NRIP2: variants seen among roughly 807,000 people sequenced by gnomAD.
NRIP2 encodes the protein nuclear receptor-interacting protein 2.
NRIP2 carries 27 observed loss-of-function variants against 34.1 expected under a neutral mutation model. That is an observed-to-expected ratio of 0.79 (90% CI 0.58 to 1.09). The LOEUF (loss-of-function observed/expected upper bound fraction) is 1.09, where lower values mean the gene tolerates loss of function less well. Among genes scored for constraint, NRIP2 ranks in the 50% least tolerant of loss-of-function variants. The pLI is 0.00. For synonymous variants in NRIP2, 145 were observed against 146.9 expected (o/e 0.99, Z 0.09); for missense variants, 385 against 352.6 (o/e 1.09, Z -0.74).
In NRIP2 at chr12:2,827,740, C is replaced by T; in HGVS notation, c.701-63G>A. The T allele has an allele frequency of 3.1e-6, 5 of 1,612,180 alleles. No homozygotes were observed. Among genetic ancestry groups the T allele is most frequent in the South Asian group, 1.1e-5 (1 of 90,932 alleles). ...TCCCAGTGGTCACTGCTGCCCTCCT[C>T]TTAGCCGTTGCTCCTTCTCTGCCCA... On this transcript the variant is annotated intron_variant, in intron 4 of 5. Coordinates refer to ENST00000337508, the MANE Select transcript of NRIP2 (RefSeq NM_031474.3). The surrounding 1 kb of genome is among the most constrained non-coding windows in gnomAD (Gnocchi z 4.0).
rs1222199646 is a variant in NRIP2, at chr12:2,826,256, G to T, written c.*951C>A. 1 of 152,098 alleles carries T rather than the reference G, an allele frequency of 6.6e-6. No individual in the cohort carries two copies. The highest frequency in any genetic ancestry group is 2.4e-5 in the African/African-American group (1 of 41,398). The allele number at this position is 152,098 out of a possible 1,614,324, so 9.4% of individuals were successfully genotyped here. A position where few individuals can be genotyped will look rare whatever the true frequency, so the allele number is the denominator to read the frequency against. On this transcript the variant is annotated 3_prime_UTR_variant, in exon 6 of 6. Coordinates refer to ENST00000337508, the MANE Select transcript of NRIP2 (RefSeq NM_031474.3). ...TTTGCTTTGGCAAAGCCTGGCAGGG[G>T]GTTAGAAAGCCACTGATTCCAGGAC...
chr12:2,826,821 AAGT>A lies in NRIP2; in HGVS notation c.*383_*385del. The A allele has an allele frequency of 7.3e-6, 2 of 272,834 alleles. No individual in the cohort carries two copies. Among genetic ancestry groups the A allele is most frequent in the Non-Finnish European group, 1.3e-5 (2 of 151,208 alleles). 16.9% of individuals were successfully genotyped at this position (272,834 alleles called of 1,614,324 possible). A position where few individuals can be genotyped will look rare whatever the true frequency, so the allele number is the denominator to read the frequency against. ...GTGGTGAGAGACATGGTGGTGTGGGAAGTTGAGTTGTGTTTGGGGTGGTATTGG... is the reference window on the plus strand; with the variant it reads ...GTGGTGAGAGACATGGTGGTGTGGGATGAGTTGTGTTTGGGGTGGTATTGG... On this transcript the variant is annotated 3_prime_UTR_variant, in exon 6 of 6. Coordinates refer to ENST00000337508, the MANE Select transcript of NRIP2 (RefSeq NM_031474.3).
Position 2,834,787 on chromosome 12 carries a change from G to A in NRIP2, c.197C>T (p.Thr66Met), listed in dbSNP as rs537635068. The change falls in exon 1 of 6, where the codon ACG becomes ATG. Residue 66 changes from threonine (T) to methionine (M), a missense_variant. Physicochemically the swap from Thr to Met is moderately conservative, Grantham distance 81 (BLOSUM62 -1). Coordinates refer to ENST00000337508, the MANE Select transcript of NRIP2 (RefSeq NM_031474.3). The stretch of plus-strand genomic sequence containing the variant: ...TCGAAGCTGTGCCTCCTGCCCCCTC[G>A]TCCTGGCTTCTCCCTCATCTCTCCT... Reference protein sequence around the residue: ...EARRDEGEARTRGQEAQLRDR... With the variant: ...EARRDEGEARMRGQEAQLRDR... 3.3e-5 allele frequency: 53 copies of A among 1,613,636 alleles called. 1 individual carries two copies. Among genetic ancestry groups the A allele is most frequent in the Middle Eastern group, 3.3e-4 (2 of 6,062 alleles).
At position 2,827,991 on chromosome 12, in the gene NRIP2, G is replaced by A. The variant is rs753593743; in HGVS notation, c.635C>T (p.Thr212Ile). 6.2e-7 allele frequency: 1 copy of A among 1,614,218 alleles called. No homozygotes were observed. The change falls in exon 4 of 6, where the codon ACC becomes ATC. Residue 212 changes from threonine to isoleucine, a missense_variant. Thr to Ile is a moderately conservative substitution (Grantham distance 89). Transcript: ENST00000337508. The surrounding 1 kb of genome is among the most constrained non-coding windows in gnomAD (Gnocchi z 4.0). ...CTGTAGCTCCAACTGCTCCACCTGG[G>A]TTGGGGGCCCAGGGGCCAGGTCCCC... ...SAGDLAPGPPTQVEQLELQLG... is the reference protein window; with the variant it reads ...SAGDLAPGPPIQVEQLELQLG...
chr12:2,828,294 C>T, intron 3 of NRIP2, 38 bp downstream of exon 3: 1 of 1,569,106 alleles, frequency 6.4e-7, no homozygotes, highest in Non-Finnish European at 8.8e-7. Context: ...CAAAAAGAAA[C>T]CCTGTCCCCC....
At chr12:2,829,724 G>A (rs2097990275) in intron 2 of NRIP2, among the ~76,000 whole-genome samples, 1 of 152,020 alleles carries the variant, frequency 6.6e-6, no homozygotes, top group East Asian at 1.9e-4. Context: ...CTCTGATCAT[G>A]CCACTACACT....
chr12:2,827,654 G>T lies in NRIP2; in HGVS notation c.724C>A (p.Leu242Met). 6.2e-7 allele frequency: 1 copy of T among 1,614,136 alleles called. No homozygotes were observed. Among genetic ancestry groups the T allele is most frequent in the Non-Finnish European group, 8.5e-7 (1 of 1,180,040 alleles). The change falls in exon 5 of 6, where the codon CTG (leucine) becomes ATG (methionine). Residue 242 changes from leucine (L) to methionine (M), a missense_variant. By Grantham distance (15) the Leu-to-Met change is conservative. Coordinates refer to ENST00000337508, the MANE Select transcript of NRIP2 (RefSeq NM_031474.3). This position sits in a 1 kb window ranked among gnomAD's most constrained non-coding sequence, Gnocchi z 4.0. ...VVDAESPEFC[L>M]GLQTLLSLKC... is the part of the protein sequence containing the mutation. ...AGAGAAAGCAGAGTCTGCAGGCCCA[G>T]GCAGAATTCAGGACTCTCAGCATCT...
In NRIP2 at chr12:2,830,785, G is replaced by T. The variant is rs746985537; in HGVS notation, c.418C>A (p.Gln140Lys). 6.2e-7 allele frequency: 1 copy of T among 1,613,876 alleles called. No individual in the cohort carries two copies. The highest frequency in any genetic ancestry group is 8.5e-7 in the Non-Finnish European group (1 of 1,179,904). ...NWLQGEPPRM[Q>K]DLIHGQESRR... ...CTCTCCTGGCCATGAATCAGGTCCT[G>T]CATCCGGGGAGGCTCCCCCTGAAGC... The change falls in exon 2 of 6, where the codon CAG becomes AAG. Residue 140 changes from glutamine (Q) to lysine (K), a missense_variant. Gln to Lys is a moderately conservative substitution (Grantham distance 53). Coordinates refer to ENST00000337508, the MANE Select transcript of NRIP2 (RefSeq NM_031474.3).
intron 2 of NRIP2, among the ~76,000 whole-genome samples, chr12:2,829,544 TGGAA>T (rs2097989308): frequency 6.6e-6 from 1 of 151,938 alleles, no homozygotes; most frequent in African/African-American, 2.4e-5. Flanking sequence ...GAGGCCAAGG[TGGAA>T]GGATCGCTTG....
At position 2,829,170 on chromosome 12, in the gene NRIP2, C is replaced by T. The variant is rs60345817; in HGVS notation, c.496-756G>A. On this transcript the variant is annotated intron_variant, in intron 2 of 5. Transcript: ENST00000337508. ...TTGGGAGTTTGATGGCCTCCTGGTTCGAAAACTCCAGGTTAGGAATAGAGG... is the reference window on the plus strand; with the variant it reads ...TTGGGAGTTTGATGGCCTCCTGGTTTGAAAACTCCAGGTTAGGAATAGAGG... Among the ~76,000 whole-genome samples, 424 of 152,180 alleles carry T rather than the reference C, an allele frequency of 2.8e-3. 10 individuals are homozygous for T. The highest frequency in any genetic ancestry group is 9.9e-3 in the African/African-American group (412 of 41,514).
At chr12:2,834,447 C>G (rs555216518) in intron 1 of NRIP2, among the ~76,000 whole-genome samples, 195 bp downstream of exon 1, 1 of 152,268 alleles carries the variant, frequency 6.6e-6, no homozygotes, top group East Asian at 1.9e-4. Context: ...GAATAGGAAC[C>G]CTCAGAGCCA....
chr12:2,829,295 A>T (rs2097987579), intron 2 of NRIP2, among the ~76,000 whole-genome samples: 1 of 132,242 alleles, frequency 7.6e-6, no homozygotes, highest in African/African-American at 3.6e-5. Flanking sequence ...CTACTTTGGG[A>T]CATAGACATT....
Position 2,827,655 on chromosome 12 carries a change from G to A in NRIP2, c.723C>T (p.Cys241=). ...GAGAAAGCAGAGTCTGCAGGCCCAG[G>A]CAGAATTCAGGACTCTCAGCATCTA... ...QVVDAESPEF[C]LGLQTLLSLK... The change falls in exon 5 of 6, where the codon TGC becomes TGT. Residue 241 remains cysteine, a synonymous_variant. Coordinates refer to ENST00000337508, the MANE Select transcript of NRIP2 (RefSeq NM_031474.3). This position sits in a 1 kb window ranked among gnomAD's most constrained non-coding sequence, Gnocchi z 4.0. The A allele has an allele frequency of 6.2e-7, 1 of 1,614,148 alleles. No individual in the cohort carries two copies. Among genetic ancestry groups the A allele is most frequent in the Non-Finnish European group, 8.5e-7 (1 of 1,180,038 alleles).
chr12:2,828,471 G>T, intron 2 of NRIP2, 57 bp from the exon 3 acceptor site: 1 of 1,298,228 alleles, frequency 7.7e-7, no homozygotes, highest in Non-Finnish European at 1.1e-6. Context: ...GGTTGGAATT[G>T]GATCCTTCAG....
Position 2,834,694 on chromosome 12 carries a change from G to T in NRIP2, c.290C>A (p.Ala97Asp), listed in dbSNP as rs529822740. Residue 97 changes from alanine (A) to aspartate (D), a missense_variant, in exon 1 of 6, where the codon GCC becomes GAC. By Grantham distance (126) the Ala-to-Asp change is moderately radical (BLOSUM62 -2). Coordinates refer to ENST00000337508, the MANE Select transcript of NRIP2 (RefSeq NM_031474.3). The part of the protein sequence containing the change: ...QATQFLHKDS[A>D]DLLPLDSLKR... ...GAGGCTGTCCAGCGGGAGCAGGTCG[G>T]CCGAGTCCTTGTGCAGGAACTGGGT... The T allele has an allele frequency of 2.7e-5, 44 of 1,613,692 alleles. No homozygotes were observed. The East Asian group carries it at 8.5e-4, about 31-fold the overall frequency.
At chr12:2,828,529 G>T in intron 2 of NRIP2, 115 bp from the exon 3 acceptor site, 1 of 841,386 alleles carries the variant, frequency 1.2e-6, no homozygotes, top group South Asian at 1.5e-5. Flanking sequence ...TGGAGAAAAT[G>T]AACTGTCTTT....
intron 2 of NRIP2, among the ~76,000 whole-genome samples, chr12:2,829,395 A>G (rs1308161002): frequency 1.3e-5 from 2 of 152,244 alleles, no homozygotes; most frequent in East Asian, 3.8e-4. Flanking sequence ...CGGAAGGTAT[A>G]TCAATGAATG....
At position 2,827,863 on chromosome 12, in the gene NRIP2, T is replaced by G. The variant is rs982342841; in HGVS notation, c.700+63A>C. On this transcript the variant is annotated intron_variant, in intron 4 of 5. Transcript: ENST00000337508. The surrounding 1 kb of genome is among the most constrained non-coding windows in gnomAD (Gnocchi z 4.0). ...CTGCAGGGAGTGAAAGTCTCAGCCT[T>G]TGCCCCACCCCAAAGAGAAAGGTGA... The G allele has an allele frequency of 1.2e-6, 2 of 1,611,236 alleles. No homozygotes were observed. Among genetic ancestry groups the G allele is most frequent in the African/African-American group, 2.7e-5 (2 of 74,860 alleles).
chr12:2,827,391 C>T lies in NRIP2; in HGVS notation c.754-92G>A. On this transcript the variant is annotated intron_variant, in intron 5 of 5. Coordinates refer to ENST00000337508, the MANE Select transcript of NRIP2 (RefSeq NM_031474.3). This position sits in a 1 kb window ranked among gnomAD's most constrained non-coding sequence, Gnocchi z 4.0. ...TTGTTCCCCCTCCCACTTCCCACAG[C>T]TTCCACCTGCCTTTTGCTCTTCCCC... The T allele has an allele frequency of 1.3e-6, 2 of 1,528,976 alleles. No individual in the cohort carries two copies. Among genetic ancestry groups the T allele is most frequent in the East Asian group, 2.3e-5 (1 of 42,748 alleles). 94.7% of individuals were successfully genotyped at this position (1,528,976 alleles called of 1,614,324 possible).
Sources: allele counts gnomAD v4.1 joint callset (sites outside exome capture counted in the v4.1 genomes callset), GRCh38; gene constraint gnomAD v4.1.1; non-coding constraint Gnocchi (gnomAD v3.1); transcripts MANE v1.5; gene names NCBI Gene and HGNC (gene_info 2026-07-23, HGNC 2026-07-21).